Variants in PPP2R3A observed in about 807,000 individuals in gnomAD.
PPP2R3A encodes the protein serine/threonine-protein phosphatase 2A regulatory subunit B'' subunit alpha.
A neutral mutation model predicts 106.9 loss-of-function variants in PPP2R3A; 80 were observed. That is an observed-to-expected ratio of 0.75 (90% CI 0.62 to 0.90). PPP2R3A has a LOEUF of 0.90. Among genes scored for constraint, PPP2R3A ranks in the 40% least tolerant of loss-of-function variants. PPP2R3A has a pLI of 0.00. For synonymous variants in PPP2R3A, 483 were observed against 468.3 expected, an observed-to-expected ratio of 1.03 and a Z score of -0.41; for missense variants, 1,386 against 1,350.4, an observed-to-expected ratio of 1.03 and a Z score of -0.41.
At chr3:135,984,527 G>A (rs769846021) in intron 1 of PPP2R3A, among the ~76,000 whole-genome samples, 3 of 152,156 alleles carry the variant, frequency 2.0e-5, no homozygotes, top group Non-Finnish European at 4.4e-5. Context: ...GGAGGGACCT[G>A]CTGGGAGGTA....
chr3:136,045,240 C>A lies in PPP2R3A; in HGVS notation c.2367-4019C>A, dbSNP rs543108423. 8.5e-5 allele frequency among the ~76,000 whole-genome samples: 13 copies of A among 152,290 alleles called. No homozygotes were observed. The South Asian group carries it at 2.7e-3, about 32-fold the overall frequency. ...CTTTTGCCAGTGGCCCCCAGTGGAG[C>A]GCTTTTACTGGTGGCCTGGGAGCAC... On this transcript the variant is annotated intron_variant, in intron 4 of 13. Coordinates refer to ENST00000264977, the MANE Select transcript of PPP2R3A (RefSeq NM_002718.5).
At chr3:136,025,216 TA>T (rs1934605736) in intron 2 of PPP2R3A, among the ~76,000 whole-genome samples, 1 of 152,266 alleles carries the variant, frequency 6.6e-6, no homozygotes, top group East Asian at 1.9e-4. Context: ...TTCTAAGAAG[TA>T]GACATTGTAA....
At chr3:136,006,786 T>C (rs961529382) in intron 2 of PPP2R3A, among the ~76,000 whole-genome samples, 21 of 152,248 alleles carry the variant, frequency 1.4e-4, no homozygotes, top group African/African-American at 4.6e-4. Context: ...TATATAGATA[T>C]ATATGAATCC....
rs544302040 is a variant in PPP2R3A at position 135,979,198 on chromosome 3, G to T, written c.-441+13349G>T. On this transcript the variant is annotated intron_variant, in intron 1 of 13. Coordinates refer to ENST00000264977, the MANE Select transcript of PPP2R3A (RefSeq NM_002718.5). ...GTTCAAGACCAGCCTGGCCAACATGGTGAAACCCCGTCTCTACTAAAAATA... is the reference window on the plus strand; with the variant it reads ...GTTCAAGACCAGCCTGGCCAACATGTTGAAACCCCGTCTCTACTAAAAATA... Among the ~76,000 whole-genome samples, 47 of 151,650 alleles carry T rather than the reference G, an allele frequency of 3.1e-4. 1 individual carries two copies. Among genetic ancestry groups the T allele is most frequent in the African/African-American group, 1.1e-3 (46 of 41,032 alleles).
chr3:136,026,825 C>T lies in PPP2R3A; in HGVS notation c.1996-7C>T, dbSNP rs938249982. On this transcript the variant is annotated splice_polypyrimidine_tract_variant and splice_region_variant and intron_variant, in intron 2 of 13. Coordinates refer to ENST00000264977, the MANE Select transcript of PPP2R3A (RefSeq NM_002718.5). ...TTTTGTGTCTCATAATCTTATTTTT[C>T]TTTTAGATTCAAAATAAACCAGAAA... 1.3e-6 allele frequency: 2 copies of T among 1,586,518 alleles called. No individual in the cohort carries two copies. The highest frequency in any genetic ancestry group is 1.9e-5 in the Admixed American group (1 of 54,048).
intron 13 of PPP2R3A, among the ~76,000 whole-genome samples, chr3:136,144,004 T>C (rs942173209): frequency 2.6e-5 from 4 of 152,214 alleles, no homozygotes; most frequent in African/African-American, 7.2e-5. Context: ...ATTGCTGATG[T>C]ACATTTTTCT....
At chr3:136,141,275 C>G (rs1938862391) in intron 13 of PPP2R3A, among the ~76,000 whole-genome samples, 1 of 152,060 alleles carries the variant, frequency 6.6e-6, no homozygotes, top group South Asian at 2.1e-4. Context: ...CAAAAATGTC[C>G]TAGGCAGGGA....
rs948199772 is a variant in PPP2R3A at position 136,003,448 on chromosome 3, T to C, written c.1950T>C (p.Asp650=). The C allele has an allele frequency of 6.2e-7, 1 of 1,613,544 alleles. No homozygotes were observed. The highest frequency in any genetic ancestry group is 1.3e-5 in the African/African-American group (1 of 74,988). The change falls in exon 2 of 14, where the codon GAT becomes GAC. Residue 650 remains aspartate, a synonymous_variant. Transcript: ENST00000264977. ...CRSPVGDKAK[D]TTSAVLIQQT... ...GTCCTGTTGGTGATAAAGCCAAAGA[T>C]ACTACTTCAGCAGTTTTGATTCAGC...
chr3:136,029,852 G>A (rs758830615), intron 3 of PPP2R3A, among the ~76,000 whole-genome samples: 8 of 152,154 alleles, frequency 5.3e-5, no homozygotes, highest in Non-Finnish European at 8.8e-5. Flanking sequence ...TTAATTGTCA[G>A]TTCAGGTAGC....
chr3:136,011,782 C>T (rs746153797), intron 2 of PPP2R3A, among the ~76,000 whole-genome samples: 8 of 152,194 alleles, frequency 5.3e-5, no homozygotes, highest in African/African-American at 1.9e-4. Flanking sequence ...ATTCTGTCAT[C>T]CCCTCTCATG....
intron 1 of PPP2R3A, among the ~76,000 whole-genome samples, chr3:135,979,850 A>G (rs1937515053): frequency 6.6e-6 from 1 of 151,874 alleles, no homozygotes; most frequent in South Asian, 2.1e-4. Context: ...AGAAAAATAG[A>G]TGATCAATGA....
chr3:136,082,395 C>G lies in PPP2R3A; in HGVS notation c.2762C>G (p.Ala921Gly), dbSNP rs368838494. 1 of 1,613,850 alleles carries G rather than the reference C, an allele frequency of 6.2e-7. No individual in the cohort carries two copies. Among genetic ancestry groups the G allele is most frequent in the East Asian group, 2.2e-5 (1 of 44,864 alleles). Residue 921 changes from alanine (A) to glycine (G), a missense_variant, in exon 8 of 14, where the codon GCC (alanine) becomes GGC (glycine). Coordinates refer to ENST00000264977, the MANE Select transcript of PPP2R3A (RefSeq NM_002718.5). The part of the protein sequence containing the change: ...DTDHDLYISQ[A>G]DLSRYNDQAS... Reference sequence around the variant, plus strand: ...GATCACGACCTCTACATCAGCCAGGCCGATCTGTCTCGATACAATGACCAG... The same window carrying G: ...GATCACGACCTCTACATCAGCCAGGGCGATCTGTCTCGATACAATGACCAG...
At chr3:136,073,629 G>A (rs1936509190) in intron 6 of PPP2R3A, among the ~76,000 whole-genome samples, 2 of 152,114 alleles carry the variant, frequency 1.3e-5, no homozygotes, top group South Asian at 4.1e-4. Flanking sequence ...GACCTAATTG[G>A]GAACATTTCA....
chr3:135,998,352 A>G (rs188823827), intron 1 of PPP2R3A, among the ~76,000 whole-genome samples: 15 of 152,384 alleles, frequency 9.8e-5, no homozygotes, highest in Admixed American at 3.9e-4. Flanking sequence ...GACAAAGGAC[A>G]TGAAGAAAGG....
intron 9 of PPP2R3A, among the ~76,000 whole-genome samples, chr3:136,090,143 T>A (rs1181844225): frequency 6.6e-6 from 1 of 152,178 alleles, no homozygotes; most frequent in East Asian, 1.9e-4. Flanking sequence ...CTATGTTGAA[T>A]AGAGTGGTGA....
At chr3:136,092,568 T>C (rs567972515) in intron 10 of PPP2R3A, among the ~76,000 whole-genome samples, 6 of 152,276 alleles carry the variant, frequency 3.9e-5, no homozygotes, top group African/African-American at 1.4e-4. Context: ...AAAACAATGC[T>C]GAAAAAGTAC....
chr3:135,985,663 G>T (rs1173029863), intron 1 of PPP2R3A, among the ~76,000 whole-genome samples: 1 of 152,154 alleles, frequency 6.6e-6, no homozygotes, highest in Admixed American at 6.5e-5. Flanking sequence ...TTTGGCAAAT[G>T]ATGCATCTCC....
chr3:136,042,970 AT>A (rs10707670), intron 4 of PPP2R3A, among the ~76,000 whole-genome samples: 38,538 of 147,970 alleles, frequency 0.26, 5,348 homozygotes, highest in Non-Finnish European at 0.32. Flanking sequence ...TAGTTTTGTA[AT>A]TTTTTTTTTT....
At chr3:136,010,901 C>G (rs1420632581) in intron 2 of PPP2R3A, among the ~76,000 whole-genome samples, 3 of 152,190 alleles carry the variant, frequency 2.0e-5, no homozygotes, top group Admixed American at 1.3e-4. Flanking sequence ...ATTCTCCCAG[C>G]TTTAAAACAA....
Sources: gnomAD v4.1 joint callset for allele counts (sites outside exome capture counted in the v4.1 genomes callset) on GRCh38, gnomAD v4.1.1 for gene constraint, MANE v1.5 for transcripts, NCBI Gene and HGNC (gene_info 2026-07-23, HGNC 2026-07-21) for gene names.